The following HRH1 variants were observed in gnomAD, a reference collection of about 807,000 sequenced individuals.
HRH1 encodes histamine H1 receptor.
Under a neutral mutation model 10.3 loss-of-function variants are expected in HRH1, and 6 were observed. The observed-to-expected ratio is 0.58, with a 90% confidence interval of 0.32 to 1.15. The LOEUF (loss-of-function observed/expected upper bound fraction) is 1.15, where lower values mean the gene tolerates loss of function less well. Among genes scored for constraint, HRH1 ranks in the 50% most tolerant of loss-of-function variants. HRH1 has a pLI of 0.05. For missense variants in HRH1, 514 were observed against 615.3 expected (o/e 0.84, Z 1.74); for synonymous variants, 242 against 236.7 (o/e 1.02, Z -0.21).
chr3:11,144,345 ATGTGTGTG>A (rs112938608), intron 1 of HRH1, among the ~76,000 whole-genome samples: 18 of 139,892 alleles, frequency 1.3e-4, no homozygotes, highest in Admixed American at 5.7e-4. Flanking sequence ...TGATATGTAT[ATGTGTGTG>A]TGTGTGTGTG....
chr3:11,250,771 A>C (rs1939629123), intron 1 of HRH1, among the ~76,000 whole-genome samples: 1 of 152,222 alleles, frequency 6.6e-6, no homozygotes, highest in South Asian at 2.1e-4. Context: ...CGGACTCTCA[A>C]CAGGGCAATA....
At chr3:11,157,120 T>C (rs2125006569) in intron 1 of HRH1, among the ~76,000 whole-genome samples, 1 of 152,312 alleles carries the variant, frequency 6.6e-6, no homozygotes, top group East Asian at 1.9e-4. Context: ...GGGACAGTTT[T>C]CAATCAGCTG....
intron 1 of HRH1, among the ~76,000 whole-genome samples, chr3:11,186,524 T>G (rs181080981): frequency 1.3e-5 from 2 of 152,276 alleles, no homozygotes; most frequent in Admixed American, 6.5e-5. Flanking sequence ...TAATCTCCCC[T>G]TGAGCCACTC....
At chr3:11,243,592 C>T (rs1021025173) in intron 1 of HRH1, among the ~76,000 whole-genome samples, 1 of 152,226 alleles carries the variant, frequency 6.6e-6, no homozygotes, top group African/African-American at 2.4e-5. Flanking sequence ...ACCTTGGCCC[C>T]AGCGTGTGCT....
chr3:11,217,605 T>C (rs1938556367), intron 1 of HRH1, among the ~76,000 whole-genome samples: 1 of 152,058 alleles, frequency 6.6e-6, no homozygotes, highest in South Asian at 2.1e-4. Context: ...GTTCAGTAAA[T>C]ATAGAGTTTC....
chr3:11,222,648 C>T (rs1379289369), intron 1 of HRH1, among the ~76,000 whole-genome samples: 3 of 151,908 alleles, frequency 2.0e-5, no homozygotes, highest in Admixed American at 6.6e-5. Flanking sequence ...GTACAGCGGC[C>T]GAGTGTCTGC....
At chr3:11,203,756 A>G (rs991616890) in intron 1 of HRH1, among the ~76,000 whole-genome samples, 3 of 152,232 alleles carry the variant, frequency 2.0e-5, no homozygotes, top group Admixed American at 1.3e-4. Context: ...GCTTTATAGT[A>G]AGTCTTAAAG....
At chr3:11,186,527 A>G (rs1036206425) in intron 1 of HRH1, among the ~76,000 whole-genome samples, 1 of 152,182 alleles carries the variant, frequency 6.6e-6, no homozygotes, top group African/African-American at 2.4e-5. Context: ...TCTCCCCTTG[A>G]GCCACTCACT....
intron 1 of HRH1, among the ~76,000 whole-genome samples, chr3:11,185,358 A>AG (rs1437705229): frequency 6.6e-6 from 1 of 152,128 alleles, no homozygotes; most frequent in African/African-American, 2.4e-5. Context: ...CCTTCCCTGA[A>AG]TTTTCAAAGT....
intron 1 of HRH1, among the ~76,000 whole-genome samples, chr3:11,186,161 G>A (rs530968287): frequency 5.3e-5 from 8 of 152,158 alleles, no homozygotes; most frequent in Admixed American, 3.9e-4. Flanking sequence ...TTTGGCATCC[G>A]GACAACTCCA....
chr3:11,186,807 A>G (rs1937458608), intron 1 of HRH1, among the ~76,000 whole-genome samples: 1 of 152,208 alleles, frequency 6.6e-6, no homozygotes, highest in African/African-American at 2.4e-5. Context: ...GACAGGCAGC[A>G]CAGAAGACAG....
At chr3:11,169,984 G>T (rs1937121130) in intron 1 of HRH1, among the ~76,000 whole-genome samples, 1 of 152,144 alleles carries the variant, frequency 6.6e-6, no homozygotes, top group South Asian at 2.1e-4. Context: ...CCCACAGTGT[G>T]CGACCCTTGT....
chr3:11,213,203 A>G (rs1938384509), intron 1 of HRH1, among the ~76,000 whole-genome samples: 1 of 152,134 alleles, frequency 6.6e-6, no homozygotes, highest in African/African-American at 2.4e-5. Context: ...GAGCACTTTG[A>G]CTTGATTACT....
chr3:11,185,818 T>C (rs1937442672), intron 1 of HRH1, among the ~76,000 whole-genome samples: 2 of 152,010 alleles, frequency 1.3e-5, no homozygotes, highest in Admixed American at 1.3e-4. Context: ...GGCCTGTTAT[T>C]CCTGTCCTGG....
Position 11,260,730 on chromosome 3 carries a change from A to G in HRH1, c.*229A>G. On this transcript the variant is annotated 3_prime_UTR_variant, in exon 2 of 2. Coordinates refer to ENST00000431010, the MANE Select transcript of HRH1 (RefSeq NM_001098212.2). ...GGAGGAAGCAGAATCTTTGCAAGAA[A>G]GTCAGACCTGTTTCTTGTAACTGGG... 2 of 493,580 alleles carry G rather than the reference A, an allele frequency of 4.1e-6. No homozygotes were observed. The highest frequency in any genetic ancestry group is 1.9e-5 in the African/African-American group (1 of 51,304). The allele number at this position is 493,580 out of a possible 1,614,324, so 30.6% of individuals were successfully genotyped here. A position where few individuals can be genotyped will look rare whatever the true frequency, so the allele number is the denominator to read the frequency against.
At chr3:11,235,932 A>G (rs1471086404) in intron 1 of HRH1, among the ~76,000 whole-genome samples, 1 of 152,154 alleles carries the variant, frequency 6.6e-6, no homozygotes, top group Non-Finnish European at 1.5e-5. Flanking sequence ...CAGCTACTTC[A>G]GGTCAAAATC....
chr3:11,169,867 A>G (rs1937118634), intron 1 of HRH1, among the ~76,000 whole-genome samples: 1 of 152,102 alleles, frequency 6.6e-6, no homozygotes, highest in African/African-American at 2.4e-5. Flanking sequence ...GTCCTTCAAT[A>G]ACTAGATCCC....
intron 1 of HRH1, among the ~76,000 whole-genome samples, chr3:11,160,215 A>G (rs1277580539): frequency 6.6e-6 from 1 of 152,144 alleles, no homozygotes; most frequent in African/African-American, 2.4e-5. Context: ...TGGAATCTCC[A>G]TATTATGACC....
chr3:11,144,477 A>ACGTC, intron 1 of HRH1, among the ~76,000 whole-genome samples: 1 of 149,040 alleles, frequency 6.7e-6, no homozygotes, highest in South Asian at 2.2e-4. Context: ...ATATAGACAT[A>ACGTC]TATATACACA....
Sources: gnomAD v4.1 joint callset for allele counts (sites outside exome capture counted in the v4.1 genomes callset) on GRCh38, gnomAD v4.1.1 for gene constraint, MANE v1.5 for transcripts, NCBI Gene and HGNC (gene_info 2026-07-23, HGNC 2026-07-21) for gene names.